AGAP1: variants seen among roughly 807,000 people sequenced by gnomAD.
AGAP1 encodes the protein ArfGAP with GTPase domain, ankyrin repeat and PH domain 1, also known as arf-GAP with GTPase, ANK repeat and PH domain-containing protein 1.
A neutral mutation model predicts 105.3 loss-of-function variants in AGAP1; 29 were observed. That is an observed-to-expected ratio of 0.28 (90% CI 0.21 to 0.38). AGAP1 has a LOEUF of 0.38. AGAP1 is among the 10% of genes least tolerant of loss of function. AGAP1 has a pLI of 1.00. For synonymous variants in AGAP1, 509 were observed against 485.9 expected (o/e 1.05, Z -0.63); for missense variants, 998 against 1,165.1 (o/e 0.86, Z 2.09).
In AGAP1 at chr2:236,130,776, T is replaced by G. The variant is rs1173619008; in HGVS notation, c.*6654T>G. ...ACATTCCTGGAGGTCCCTGGGCAAA[T>G]GCATTTCCTGCCTGGGTTCTCAGGG... On this transcript the variant is annotated 3_prime_UTR_variant, in exon 18 of 18. Coordinates refer to ENST00000304032, the MANE Select transcript of AGAP1 (RefSeq NM_001037131.3). This position sits in a 1 kb window ranked among gnomAD's most constrained non-coding sequence, Gnocchi z 5.8. The G allele has an allele frequency of 6.6e-6, 1 of 152,470 alleles. No homozygotes were observed. Among genetic ancestry groups the G allele is most frequent in the African/African-American group, 2.4e-5 (1 of 41,428 alleles). 9.4% of individuals were successfully genotyped at this position (152,470 alleles called of 1,614,324 possible). A position where few individuals can be genotyped will look rare whatever the true frequency, so the allele number is the denominator to read the frequency against.
rs1215329930 is a variant in AGAP1 at position 235,615,718 on chromosome 2, T to C, written c.164-93461T>C. On this transcript the variant is annotated intron_variant, in intron 1 of 17. Transcript: ENST00000304032. This position sits in a 1 kb window ranked among gnomAD's most constrained non-coding sequence, Gnocchi z 5.0. ...TTTTTCTCTTTATGCTCATAGCCAT[T>C]CCAAAGACAGAATCCTTTCCTCAAA... 1.3e-5 allele frequency among the ~76,000 whole-genome samples: 2 copies of C among 152,192 alleles called. No individual in the cohort carries two copies. The highest frequency in any genetic ancestry group is 4.8e-5 in the African/African-American group (2 of 41,450).
rs1159561841 is a variant in AGAP1, at chr2:236,101,545, TG to T, written c.2115-18645del. On this transcript the variant is annotated intron_variant, in intron 16 of 17. Transcript: ENST00000304032. This position sits in a 1 kb window ranked among gnomAD's most constrained non-coding sequence, Gnocchi z 4.9. ...CGCCTCTTCCGTGTGAGAAGAGCCTTGGCTGTTCCTCTCCCTGGTGTTTAAA... is the reference window on the plus strand; with the variant it reads ...CGCCTCTTCCGTGTGAGAAGAGCCTTGCTGTTCCTCTCCCTGGTGTTTAAA... Among the ~76,000 whole-genome samples, 1 of 152,234 alleles carries T rather than the reference TG, an allele frequency of 6.6e-6. No individual in the cohort carries two copies. Among genetic ancestry groups the T allele is most frequent in the African/African-American group, 2.4e-5 (1 of 41,466 alleles).
At chr2:236,116,200 C>T (rs1167016768) in intron 16 of AGAP1, among the ~76,000 whole-genome samples, 1 of 152,146 alleles carries the variant, frequency 6.6e-6, no homozygotes. Flanking sequence ...GCATCCTCCA[C>T]CCTCCACAAG....
Position 235,599,594 on chromosome 2 carries a change from G to GAACTGCGC in AGAP1, c.163+104746_163+104747insACTGCGCA, listed in dbSNP as rs1945660239. Among the ~76,000 whole-genome samples the GAACTGCGC allele has an allele frequency of 2.0e-5, 2 of 102,446 alleles. No individual in the cohort carries two copies. Among genetic ancestry groups the GAACTGCGC allele is most frequent in the Non-Finnish European group, 3.7e-5 (2 of 54,358 alleles). The allele number at this position is 102,446 out of a possible 152,430, so 67.2% of individuals were successfully genotyped here. A position where few individuals can be genotyped will look rare whatever the true frequency, so the allele number is the denominator to read the frequency against. ...GGTCACTCTGCTTTGGAGAACTGCG[G>GAACTGCGC]ATCCCCTGCCATGGCCCATGTGGCT... On this transcript the variant is annotated intron_variant, in intron 1 of 17. Coordinates refer to ENST00000304032, the MANE Select transcript of AGAP1 (RefSeq NM_001037131.3). The surrounding 1 kb of genome is among the most constrained non-coding windows in gnomAD (Gnocchi z 5.3).
intron 8 of AGAP1, among the ~76,000 whole-genome samples, chr2:235,800,301 G>C (rs919600163): frequency 8.0e-5 from 12 of 150,026 alleles, no homozygotes; most frequent in Non-Finnish European, 1.5e-4. Flanking sequence ...GGGTCTTACT[G>C]TGTTGCCTAG....
chr2:235,797,564 G>A (rs370119046), intron 6 of AGAP1, among the ~76,000 whole-genome samples, 195 bp from the exon 7 acceptor site: 37 of 152,172 alleles, frequency 2.4e-4, no homozygotes, highest in African/African-American at 8.4e-4. Context: ...GCTGATGCGG[G>A]GGTGGGGGGA....
intron 10 of AGAP1, among the ~76,000 whole-genome samples, chr2:235,898,013 T>A (rs1034232712): frequency 3.9e-5 from 6 of 152,174 alleles, no homozygotes; most frequent in Admixed American, 2.0e-4. Context: ...GCAATCTAGC[T>A]GCAGCCCCCT....
In AGAP1 at chr2:235,799,219, C is replaced by G. The variant is rs753142364; in HGVS notation, c.802-148C>G. 1 of 806,700 alleles carries G rather than the reference C, an allele frequency of 1.2e-6. No homozygotes were observed. The highest frequency in any genetic ancestry group is 2.0e-6 in the Non-Finnish European group (1 of 510,766). 50.0% of individuals were successfully genotyped at this position (806,700 alleles called of 1,614,324 possible). ...ACTCTGTAGACATGACACTAATACA[C>G]CTGGCAAAGCCATAGACGCAAGTCA... On this transcript the variant is annotated intron_variant, in intron 7 of 17. Transcript: ENST00000304032. This position sits in a 1 kb window ranked among gnomAD's most constrained non-coding sequence, Gnocchi z 5.0.
At chr2:235,547,441 C>A (rs1943662998) in intron 1 of AGAP1, among the ~76,000 whole-genome samples, 1 of 151,680 alleles carries the variant, frequency 6.6e-6, no homozygotes, top group Non-Finnish European at 1.5e-5. Flanking sequence ...TCACTGCAAC[C>A]TCTGCCTCCC....
chr2:235,594,805 C>T (rs1265782454), intron 1 of AGAP1, among the ~76,000 whole-genome samples: 2 of 150,912 alleles, frequency 1.3e-5, no homozygotes, highest in Non-Finnish European at 2.9e-5. Context: ...GACTCCTGGC[C>T]TCAAGTGATC....
chr2:235,620,543 T>C lies in AGAP1; in HGVS notation c.164-88636T>C, dbSNP rs772817005. On this transcript the variant is annotated intron_variant, in intron 1 of 17. Transcript: ENST00000304032. The surrounding 1 kb of genome is among the most constrained non-coding windows in gnomAD (Gnocchi z 4.5). Reference sequence around the variant, plus strand: ...CCTGGGGGCCCTTGCAGCTTGGCCCTCGCATCCTTCAGCCTCACCTCCAGT... The same window carrying C: ...CCTGGGGGCCCTTGCAGCTTGGCCCCCGCATCCTTCAGCCTCACCTCCAGT... Among the ~76,000 whole-genome samples the C allele has an allele frequency of 6.6e-6, 1 of 152,308 alleles. No homozygotes were observed. Among genetic ancestry groups the C allele is most frequent in the Non-Finnish European group, 1.5e-5 (1 of 68,026 alleles).
intron 8 of AGAP1, among the ~76,000 whole-genome samples, chr2:235,802,587 C>A (rs1957545646): frequency 6.6e-6 from 1 of 152,146 alleles, no homozygotes. Flanking sequence ...GGGCAGGGAT[C>A]CATATGTTGG....
In AGAP1 at chr2:235,553,204, A is replaced by G. The variant is rs1943868281; in HGVS notation, c.163+58355A>G. 6.6e-6 allele frequency among the ~76,000 whole-genome samples: 1 copy of G among 152,048 alleles called. No individual in the cohort carries two copies. The highest frequency in any genetic ancestry group is 1.5e-5 in the Non-Finnish European group (1 of 68,022). Reference sequence around the variant, plus strand: ...AAGAAGATGGTGAACTAACATTCTCAAGTACTGTCTTAAGTCAGTACAGAT... The same window carrying G: ...AAGAAGATGGTGAACTAACATTCTCGAGTACTGTCTTAAGTCAGTACAGAT... On this transcript the variant is annotated intron_variant, in intron 1 of 17. Transcript: ENST00000304032. This position sits in a 1 kb window ranked among gnomAD's most constrained non-coding sequence, Gnocchi z 4.5.
chr2:235,561,112 T>C (rs1355772600), intron 1 of AGAP1, among the ~76,000 whole-genome samples: 5 of 152,206 alleles, frequency 3.3e-5, no homozygotes, highest in Non-Finnish European at 5.9e-5. Flanking sequence ...TAGCCTTCTC[T>C]GTTGTGTTGG....
chr2:235,671,268 C>A (rs538640046), intron 1 of AGAP1, among the ~76,000 whole-genome samples: 1 of 152,204 alleles, frequency 6.6e-6, no homozygotes, highest in East Asian at 1.9e-4. Flanking sequence ...GCTGGTGCCC[C>A]TCGGAGTCCA....
rs1952952454 is a variant in AGAP1 at position 235,746,406 on chromosome 2, TTTTTTA to T, written c.538+1568_538+1573del. 2.8e-5 allele frequency among the ~76,000 whole-genome samples: 3 copies of T among 108,760 alleles called. No homozygotes were observed. In the East Asian group the frequency reaches 9.1e-4, roughly 33 times the overall value. 71.4% of individuals were successfully genotyped at this position (108,760 alleles called of 152,430 possible). A position where few individuals can be genotyped will look rare whatever the true frequency, so the allele number is the denominator to read the frequency against. ...TTTTTTTTTTTTTTTTTTTTTTTTTTTTTTTAAAGCGTACGTGGTCGCTCTCACTCC... is the reference window on the plus strand; with the variant it reads ...TTTTTTTTTTTTTTTTTTTTTTTTTTAAGCGTACGTGGTCGCTCTCACTCC... On this transcript the variant is annotated intron_variant, in intron 5 of 17. Transcript: ENST00000304032.
At position 235,958,055 on chromosome 2, in the gene AGAP1, C is replaced by G. The variant is rs984858780; in HGVS notation, c.1484-10407C>G. On this transcript the variant is annotated intron_variant, in intron 12 of 17. Coordinates refer to ENST00000304032, the MANE Select transcript of AGAP1 (RefSeq NM_001037131.3). This position sits in a 1 kb window ranked among gnomAD's most constrained non-coding sequence, Gnocchi z 4.1. ...TTCCTCTCTCTTTTCTTTTGTCTTTCTTTTCCTTTTTTTCCATATAGATGC... is the reference window on the plus strand; with the variant it reads ...TTCCTCTCTCTTTTCTTTTGTCTTTGTTTTCCTTTTTTTCCATATAGATGC... Among the ~76,000 whole-genome samples, 1 of 152,152 alleles carries G rather than the reference C, an allele frequency of 6.6e-6. No homozygotes were observed. Among genetic ancestry groups the G allele is most frequent in the Non-Finnish European group, 1.5e-5 (1 of 68,016 alleles).
chr2:236,021,948 A>G (rs2056897118), intron 13 of AGAP1, among the ~76,000 whole-genome samples: 1 of 150,626 alleles, frequency 6.6e-6, no homozygotes, highest in Non-Finnish European at 1.5e-5. Context: ...AGTCCCAGCT[A>G]CTCGGGAGGC....
intron 1 of AGAP1, chr2:235,670,691 G>A (rs1948355300): frequency 2.8e-6 from 2 of 714,402 alleles, no homozygotes; most frequent in African/African-American, 1.9e-5. Flanking sequence ...CCTGGAGCCC[G>A]CGACCGCCAC....
Sources: allele counts gnomAD v4.1 joint callset (sites outside exome capture counted in the v4.1 genomes callset), GRCh38; gene constraint gnomAD v4.1.1; non-coding constraint Gnocchi (gnomAD v3.1); transcripts MANE v1.5; gene names NCBI Gene and HGNC (gene_info 2026-07-23, HGNC 2026-07-21).